CHRM3: variants seen among roughly 807,000 people sequenced by gnomAD.
The protein encoded by CHRM3 is muscarinic acetylcholine receptor M3.
Under a neutral mutation model 41.8 loss-of-function variants are expected in CHRM3, and 11 were observed. The observed-to-expected ratio is 0.26, with a 90% CI of 0.17 to 0.44. The LOEUF (loss-of-function observed/expected upper bound fraction) is 0.44, where lower values mean the gene tolerates loss of function less well. Ranked by LOEUF, CHRM3 falls within the 20% of genes least tolerant of loss-of-function variation. The pLI is 1.00. For missense variants in CHRM3, 571 were observed against 745.4 expected (o/e 0.77, Z 2.72); for synonymous variants, 297 against 301.4 (o/e 0.99, Z 0.15).
chr1:239,700,395 A>G (rs954364789), intron 5 of CHRM3, among the ~76,000 whole-genome samples: 6 of 152,150 alleles, frequency 3.9e-5, no homozygotes, highest in African/African-American at 1.4e-4. Context: ...TAATTTACAG[A>G]TATTCATCTT....
At chr1:239,794,387 G>GTTT (rs10925977) in intron 5 of CHRM3, among the ~76,000 whole-genome samples, 4 of 115,302 alleles carry the variant, frequency 3.5e-5, no homozygotes, top group Non-Finnish European at 5.8e-5. Flanking sequence ...TTCGTTTGTT[G>GTTT]TTTTTTTTTT....
intron 5 of CHRM3, among the ~76,000 whole-genome samples, chr1:239,821,265 A>G (rs956540220): frequency 2.0e-5 from 3 of 152,238 alleles, no homozygotes; most frequent in Non-Finnish European, 2.9e-5. Flanking sequence ...AATGAGACAT[A>G]TACACATTGA....
At chr1:239,502,411 T>C (rs1439966560) in intron 2 of CHRM3, among the ~76,000 whole-genome samples, 1 of 151,896 alleles carries the variant, frequency 6.6e-6, no homozygotes. Context: ...AACAGACCAA[T>C]AACAAGCAGT....
chr1:239,429,096 G>A lies in CHRM3; in HGVS notation c.-521+41869G>A, dbSNP rs570806594. ...TGGCTTTCTTGAAATCAAATTACTA[G>A]GTTGAAGAACAAAAGCATTATGATG... On this transcript the variant is annotated intron_variant, in intron 1 of 6. Coordinates refer to ENST00000676153, the MANE Select transcript of CHRM3 (RefSeq NM_001375978.1). 8.5e-5 allele frequency among the ~76,000 whole-genome samples: 13 copies of A among 152,246 alleles called. No homozygotes were observed. The South Asian group carries it at 2.7e-3, about 32-fold the overall frequency.
intron 1 of CHRM3, among the ~76,000 whole-genome samples, chr1:239,446,327 A>G (rs1262657825): frequency 6.6e-6 from 1 of 152,226 alleles, no homozygotes; most frequent in East Asian, 1.9e-4. Context: ...ACTGAATAAG[A>G]AATCAAATTA....
chr1:239,886,425 A>G (rs1678078425), intron 6 of CHRM3: 1 of 152,182 alleles, frequency 6.6e-6, no homozygotes, highest in African/African-American at 2.4e-5. Context: ...AGACGTTCCC[A>G]TGGCAACATT....
intron 5 of CHRM3, among the ~76,000 whole-genome samples, chr1:239,762,390 T>C (rs771380086): frequency 2.0e-5 from 3 of 152,176 alleles, no homozygotes; most frequent in African/African-American, 4.8e-5. Context: ...GAGAGAAGAT[T>C]TTATGACACA....
At chr1:239,623,408 C>T (rs1668633838) in intron 3 of CHRM3, among the ~76,000 whole-genome samples, 1 of 151,384 alleles carries the variant, frequency 6.6e-6, no homozygotes, top group Non-Finnish European at 1.5e-5. Flanking sequence ...TGATGGTTTC[C>T]AGCTTCATCC....
At position 239,580,164 on chromosome 1, in the gene CHRM3, T is replaced by G. The variant is rs184139875; in HGVS notation, c.-313+34415T>G. On this transcript the variant is annotated intron_variant, in intron 3 of 6. Transcript: ENST00000676153. ...ACCCTTCTTCTATCATTAAGAGAATTTGTGAATACAAAGATGACAGTACTT... is the reference window on the plus strand; with the variant it reads ...ACCCTTCTTCTATCATTAAGAGAATGTGTGAATACAAAGATGACAGTACTT... Among the ~76,000 whole-genome samples, 4 of 152,002 alleles carry G rather than the reference T, an allele frequency of 2.6e-5. No homozygotes were observed. The East Asian group carries it at 7.8e-4, about 30-fold the overall frequency.
intron 2 of CHRM3, among the ~76,000 whole-genome samples, chr1:239,506,652 C>T (rs964977960): frequency 2.6e-5 from 4 of 152,192 alleles, no homozygotes; most frequent in African/African-American, 4.8e-5. Context: ...CCTACTGGGG[C>T]ACTGCCTAGT....
intron 3 of CHRM3, among the ~76,000 whole-genome samples, chr1:239,547,531 T>G (rs1659411837): frequency 6.6e-6 from 1 of 152,094 alleles, no homozygotes; most frequent in African/African-American, 2.4e-5. Context: ...AATTGTGAAG[T>G]TTTCAAAAAC....
chr1:239,609,910 A>G (rs1019009824), intron 3 of CHRM3, among the ~76,000 whole-genome samples: 1 of 152,014 alleles, frequency 6.6e-6, no homozygotes, highest in African/African-American at 2.4e-5. Context: ...AAAGTACTAT[A>G]GGCCGGGCGC....
intron 4 of CHRM3, among the ~76,000 whole-genome samples, chr1:239,664,860 G>A (rs1244665248): frequency 2.6e-5 from 4 of 152,014 alleles, no homozygotes; most frequent in East Asian, 1.9e-4. Flanking sequence ...TTTTCACCAC[G>A]GTTCGGTCTA....
intron 1 of CHRM3, among the ~76,000 whole-genome samples, chr1:239,480,780 G>A (rs895563295): frequency 1.3e-5 from 2 of 151,846 alleles, no homozygotes; most frequent in Non-Finnish European, 2.9e-5. Flanking sequence ...GGATGGTCTC[G>A]ATCTCCTGAC....
intron 1 of CHRM3, among the ~76,000 whole-genome samples, chr1:239,449,326 G>T (rs1339444070): frequency 6.6e-6 from 1 of 152,104 alleles, no homozygotes; most frequent in African/African-American, 2.4e-5. Context: ...CAATAATCAA[G>T]CAAGTCTTTT....
intron 6 of CHRM3, among the ~76,000 whole-genome samples, chr1:239,890,913 A>C (rs1558214413): frequency 6.6e-6 from 1 of 152,210 alleles, no homozygotes; most frequent in African/African-American, 2.4e-5. Flanking sequence ...CCAACTGATA[A>C]TATTTACCAC....
At chr1:239,826,388 T>C (rs905977754) in intron 5 of CHRM3, among the ~76,000 whole-genome samples, 8 of 152,130 alleles carry the variant, frequency 5.3e-5, no homozygotes, top group Non-Finnish European at 1.2e-4. Context: ...TAGGCATACT[T>C]GAGTATGACT....
At chr1:239,589,430 C>A (rs1663822062) in intron 3 of CHRM3, among the ~76,000 whole-genome samples, 1 of 151,016 alleles carries the variant, frequency 6.6e-6, no homozygotes, top group Non-Finnish European at 1.5e-5. Context: ...GAAAAAATCA[C>A]ATATTAGTGC....
At chr1:239,759,939 G>A (rs939618724) in intron 5 of CHRM3, among the ~76,000 whole-genome samples, 1 of 151,746 alleles carries the variant, frequency 6.6e-6, no homozygotes, top group East Asian at 1.9e-4. Flanking sequence ...TTTTGAGATG[G>A]AGTCTCGCTC....
Sources: gnomAD v4.1 joint callset for allele counts (sites outside exome capture counted in the v4.1 genomes callset) on GRCh38, gnomAD v4.1.1 for gene constraint, MANE v1.5 for transcripts, NCBI Gene and HGNC (gene_info 2026-07-23, HGNC 2026-07-21) for gene names.